The following DMD variants were observed in gnomAD, a reference collection of about 807,000 sequenced individuals.
DMD encodes the protein mutant dystrophin.
In DMD, 63 loss-of-function variants were observed where a neutral mutation model predicts 330.1. The ratio of observed to expected loss-of-function variants is 0.19; its 90% CI spans 0.16 to 0.24. The LOEUF (loss-of-function observed/expected upper bound fraction) is 0.24. DMD is among the 10% of genes least tolerant of loss of function. DMD has a pLI of 1.00. For synonymous variants in DMD, 1,223 were observed against 959.8 expected, an observed-to-expected ratio of 1.27 and a Z score of -5.07; for missense variants, 3,344 against 2,684.1, an observed-to-expected ratio of 1.25 and a Z score of -5.43.
At chrX:32,642,827 G>A (rs1454136398) in intron 11 of DMD, among the ~76,000 whole-genome samples, 1 of 111,176 alleles carries the variant, frequency 9.0e-6, no homozygotes, top group Non-Finnish European at 1.9e-5. Flanking sequence ...GAAACCTAGA[G>A]TGCACAAAGG....
intron 53 of DMD, among the ~76,000 whole-genome samples, chrX:31,678,887 C>T (rs1444271682): frequency 8.9e-6 from 1 of 111,808 alleles, no homozygotes; most frequent in South Asian, 3.8e-4. Flanking sequence ...ACAAAATTAA[C>T]TTTAACATTG....
chrX:32,445,806 T>C (rs2098301385), intron 27 of DMD, among the ~76,000 whole-genome samples: 2 of 111,225 alleles, frequency 1.8e-5, no homozygotes, highest in South Asian at 7.3e-4. Flanking sequence ...AGAACAGATT[T>C]GTGAAACAAC....
At chrX:31,770,545 G>A (rs1318687142) in intron 51 of DMD, among the ~76,000 whole-genome samples, 1 of 111,537 alleles carries the variant, frequency 9.0e-6, no homozygotes, top group Non-Finnish European at 1.9e-5. Context: ...ATTCTTTAAT[G>A]CCTGGCTTAA....
chrX:33,000,410 A>G lies in DMD; in HGVS notation c.93+19729T>C, dbSNP rs12388776. Among the ~76,000 whole-genome samples, 529 of 112,381 alleles carry G rather than the reference A, an allele frequency of 4.7e-3. 4 individuals carry two copies. The highest frequency in any genetic ancestry group is 0.015 in the African/African-American group (476 of 30,947). On this transcript the variant is annotated intron_variant, in intron 2 of 78. Coordinates refer to ENST00000357033, the MANE Select transcript of DMD (RefSeq NM_004006.3). ...ACATTACACTTAGGTTGTCTGACCAATAGTTTCTTAAAGATTCCTCTATAG... is the reference window on the plus strand; with the variant it reads ...ACATTACACTTAGGTTGTCTGACCAGTAGTTTCTTAAAGATTCCTCTATAG...
At chrX:31,286,826 G>A (rs2053246907) in intron 62 of DMD, among the ~76,000 whole-genome samples, 1 of 112,070 alleles carries the variant, frequency 8.9e-6, no homozygotes, top group African/African-American at 3.2e-5. Context: ...GTGCAGCGGC[G>A]TGATCTCGGC....
intron 44 of DMD, among the ~76,000 whole-genome samples, chrX:31,986,212 G>A (rs1296081154): frequency 9.0e-6 from 1 of 110,937 alleles, no homozygotes; most frequent in African/African-American, 3.3e-5. Flanking sequence ...TTACTATATT[G>A]TATTGCATTT....
At chrX:32,048,335 A>C (rs2096078187) in intron 44 of DMD, among the ~76,000 whole-genome samples, 1 of 103,140 alleles carries the variant, frequency 9.7e-6, no homozygotes, top group Non-Finnish European at 2.0e-5. Flanking sequence ...CTCCGTTCCC[A>C]AGCATGCTTT....
At chrX:32,846,391 C>T (rs2080671055) in intron 3 of DMD, among the ~76,000 whole-genome samples, 1 of 111,324 alleles carries the variant, frequency 9.0e-6, no homozygotes, top group Non-Finnish European at 1.9e-5. Context: ...CTGTGTCTTG[C>T]ATTTAACTCC....
At chrX:33,060,182 G>A (rs1378129356) in intron 1 of DMD, among the ~76,000 whole-genome samples, 1 of 111,049 alleles carries the variant, frequency 9.0e-6, no homozygotes. Context: ...ACAGGCAAAT[G>A]GGAATTTTAT....
chrX:32,860,911 A>C (rs1038604848), intron 2 of DMD, among the ~76,000 whole-genome samples: 3 of 111,735 alleles, frequency 2.7e-5, no homozygotes, highest in Non-Finnish European at 5.6e-5. Flanking sequence ...TTAGAATACT[A>C]GTGACTGAAA....
chrX:31,719,793 G>C (rs1006746940), intron 52 of DMD, among the ~76,000 whole-genome samples: 2 of 111,243 alleles, frequency 1.8e-5, no homozygotes, highest in African/African-American at 6.5e-5. Flanking sequence ...GAACACTCAA[G>C]TAGTCCCATG....
At chrX:32,008,404 C>T (rs1321637111) in intron 44 of DMD, among the ~76,000 whole-genome samples, 1 of 111,499 alleles carries the variant, frequency 9.0e-6, no homozygotes, top group South Asian at 3.7e-4. Context: ...TTATTTAATT[C>T]CAACAAGAGT....
chrX:32,110,142 G>T (rs1205728866), intron 44 of DMD, among the ~76,000 whole-genome samples: 2 of 111,820 alleles, frequency 1.8e-5, no homozygotes, highest in East Asian at 5.6e-4. Flanking sequence ...ATTGGCTGTC[G>T]TTTACCTATT....
At chrX:32,648,377 A>G (rs902891710) in intron 9 of DMD, among the ~76,000 whole-genome samples, 1 of 112,030 alleles carries the variant, frequency 8.9e-6, no homozygotes, top group South Asian at 3.6e-4. Context: ...TAGATAGACT[A>G]TTGTTTTTCA....
chrX:33,148,777 A>G (rs1254456141), intron 1 of DMD, among the ~76,000 whole-genome samples: 1 of 112,127 alleles, frequency 8.9e-6, no homozygotes, highest in Non-Finnish European at 1.9e-5. Flanking sequence ...CCTTTGTTAG[A>G]TTTACTATGG....
chrX:31,798,151 T>C (rs1381358061), intron 50 of DMD, among the ~76,000 whole-genome samples: 1 of 112,479 alleles, frequency 8.9e-6, no homozygotes, highest in African/African-American at 3.2e-5. Flanking sequence ...AAAATTTCTA[T>C]GGTACTTTTG....
At chrX:32,618,220 G>T (rs1015693224) in intron 11 of DMD, among the ~76,000 whole-genome samples, 1 of 112,256 alleles carries the variant, frequency 8.9e-6, no homozygotes, top group Non-Finnish European at 1.9e-5. Flanking sequence ...GCACACATAT[G>T]TTCGTGGCAG....
chrX:32,510,115 A>T (rs1230770610), intron 18 of DMD, among the ~76,000 whole-genome samples: 1 of 112,083 alleles, frequency 8.9e-6, no homozygotes, highest in Non-Finnish European at 1.9e-5. Flanking sequence ...AACAGGATTC[A>T]GCTCAACTCG....
intron 44 of DMD, among the ~76,000 whole-genome samples, chrX:32,052,264 A>AT (rs11285928): frequency 1.8e-4 from 19 of 105,709 alleles, no homozygotes; most frequent in East Asian, 1.5e-3. Flanking sequence ...AAGGTCCATA[A>AT]TTTTTTTTTT....
Sources: gnomAD v4.1 joint callset for allele counts (sites outside exome capture counted in the v4.1 genomes callset) on GRCh38, gnomAD v4.1.1 for gene constraint, MANE v1.5 for transcripts, NCBI Gene and HGNC (gene_info 2026-07-23, HGNC 2026-07-21) for gene names.